FAF1: variants seen among roughly 807,000 people sequenced by gnomAD.
The protein encoded by FAF1 is Fas associated factor 1, also known as FAS-associated factor 1.
FAF1 carries 25 observed loss-of-function variants against 92.5 expected under a neutral mutation model. The observed-to-expected ratio is 0.27, with a 90% confidence interval of 0.20 to 0.38. The LOEUF is 0.38. FAF1 is among the 10% of genes least tolerant of loss of function. FAF1 has a pLI of 1.00. For synonymous variants in FAF1, 234 were observed against 273.2 expected (o/e 0.86, Z 1.42); for missense variants, 636 against 793.3 (o/e 0.80, Z 2.38).
chr1:50,652,375 G>A (rs1353140389), intron 8 of FAF1, among the ~76,000 whole-genome samples: 1 of 152,154 alleles, frequency 6.6e-6, no homozygotes, highest in Non-Finnish European at 1.5e-5. Context: ...CACCTAAAAT[G>A]TATAAGGCAC....
At chr1:50,697,899 AG>A (rs1167685590) in intron 7 of FAF1, among the ~76,000 whole-genome samples, 1 of 152,200 alleles carries the variant, frequency 6.6e-6, no homozygotes, top group Non-Finnish European at 1.5e-5. Context: ...TATCACAAAA[AG>A]TATGTTTGAA....
chr1:50,810,226 G>T (rs1662366720), intron 2 of FAF1, among the ~76,000 whole-genome samples: 1 of 152,100 alleles, frequency 6.6e-6, no homozygotes, highest in Non-Finnish European at 1.5e-5. Context: ...TTGCACTCCA[G>T]CCTGGGCAAC....
At chr1:50,545,915 C>A (rs1648992726) in intron 13 of FAF1, among the ~76,000 whole-genome samples, 1 of 152,250 alleles carries the variant, frequency 6.6e-6, no homozygotes, top group South Asian at 2.1e-4. Context: ...GTAATCCCAG[C>A]ACTTTGGGAG....
At chr1:50,744,809 C>CAAAAT (rs755985315) in intron 4 of FAF1, 34 bp from the exon 5 acceptor site, 1 of 1,241,258 alleles carries the variant, frequency 8.1e-7, no homozygotes, top group East Asian at 2.3e-5. Context: ...ATATTACTAA[C>CAAAAT]AAAATAACAC....
chr1:50,493,712 A>G (rs548531335), intron 15 of FAF1, among the ~76,000 whole-genome samples: 1 of 152,210 alleles, frequency 6.6e-6, no homozygotes, highest in African/African-American at 2.4e-5. Context: ...TTTAATAAGC[A>G]TATGTTAAAT....
chr1:50,673,669 A>G (rs1211613645), intron 7 of FAF1, among the ~76,000 whole-genome samples: 1 of 152,182 alleles, frequency 6.6e-6, no homozygotes, highest in African/African-American at 2.4e-5. Context: ...ATGGGTTGAA[A>G]TCTGAAGAAG....
chr1:50,592,017 A>C (rs1651541558), intron 9 of FAF1, among the ~76,000 whole-genome samples: 1 of 152,162 alleles, frequency 6.6e-6, no homozygotes, highest in African/African-American at 2.4e-5. Context: ...GTTACATGCC[A>C]GGCACTATGC....
intron 1 of FAF1, among the ~76,000 whole-genome samples, chr1:50,951,621 AT>A (rs1164771786): frequency 3.9e-5 from 6 of 152,192 alleles, no homozygotes; most frequent in Non-Finnish European, 1.5e-5. Flanking sequence ...TTAATTCTAC[AT>A]GCAAAAACCT....
intron 8 of FAF1, among the ~76,000 whole-genome samples, chr1:50,643,023 T>C: frequency 6.6e-6 from 1 of 152,152 alleles, no homozygotes; most frequent in Admixed American, 6.5e-5. Context: ...GTAGACAGGG[T>C]TTCACCATGT....
rs1650208084 is a variant in FAF1, at chr1:50,567,062, G to A, written c.1268+15C>T. On this transcript the variant is annotated intron_variant, in intron 13 of 18. Transcript: ENST00000396153. ...AATAGAAGCCCAACTTGTAACTTGT[G>A]AACAACAGTATTACCTTGCTCTGTT... The A allele has an allele frequency of 6.6e-7, 1 of 1,521,898 alleles. No homozygotes were observed. Among genetic ancestry groups the A allele is most frequent in the Admixed American group, 2.1e-5 (1 of 46,676 alleles). 94.3% of individuals were successfully genotyped at this position (1,521,898 alleles called of 1,614,324 possible).
At chr1:50,648,412 A>C (rs1000330602) in intron 8 of FAF1, among the ~76,000 whole-genome samples, 2 of 152,244 alleles carry the variant, frequency 1.3e-5, no homozygotes, top group African/African-American at 4.8e-5. Context: ...ATAAGTATTT[A>C]GCTAAAGCTG....
chr1:50,729,046 ATATATATATATAT>A (rs1658795976), intron 6 of FAF1, among the ~76,000 whole-genome samples: 1 of 75,872 alleles, frequency 1.3e-5, no homozygotes, highest in African/African-American at 6.0e-5. Context: ...ATATATATAT[ATATATATATATAT>A]TTTTTTTTTT....
chr1:50,663,838 AATC>A (rs55836912), intron 7 of FAF1, among the ~76,000 whole-genome samples: 3,538 of 151,720 alleles, frequency 0.023, 75 homozygotes, highest in Middle Eastern at 0.092. Flanking sequence ...TATAATTAAT[AATC>A]ATTTGTTACA....
intron 1 of FAF1, among the ~76,000 whole-genome samples, chr1:50,921,578 A>G (rs1039325362): frequency 3.9e-5 from 6 of 152,190 alleles, no homozygotes; most frequent in African/African-American, 1.2e-4. Context: ...CCTGGGTAAC[A>G]TGGTGAAATC....
intron 7 of FAF1, among the ~76,000 whole-genome samples, chr1:50,681,145 C>G (rs1445899920): frequency 6.6e-6 from 1 of 152,160 alleles, no homozygotes; most frequent in Non-Finnish European, 1.5e-5. Context: ...CTCCCAGGTT[C>G]AAATGATTCT....
chr1:50,784,296 A>G (rs1390540669), intron 4 of FAF1, among the ~76,000 whole-genome samples: 1 of 152,090 alleles, frequency 6.6e-6, no homozygotes, highest in African/African-American at 2.4e-5. Flanking sequence ...GGATTCTACC[A>G]AAGAAAAAAA....
intron 12 of FAF1, among the ~76,000 whole-genome samples, chr1:50,581,270 T>G (rs956160861): frequency 1.3e-5 from 2 of 152,240 alleles, no homozygotes; most frequent in Non-Finnish European, 2.9e-5. Flanking sequence ...CTGTCAATTA[T>G]AGCTCTAATT....
At chr1:50,773,153 G>A (rs1380558948) in intron 4 of FAF1, among the ~76,000 whole-genome samples, 1 of 152,188 alleles carries the variant, frequency 6.6e-6, no homozygotes, top group Non-Finnish European at 1.5e-5. Flanking sequence ...TGAGGTTCTG[G>A]ACAAAGGATT....
At chr1:50,655,854 T>C (rs76852824) in intron 7 of FAF1, among the ~76,000 whole-genome samples, 10,051 of 152,276 alleles carry the variant, frequency 0.066, 411 homozygotes, top group East Asian at 0.092. Flanking sequence ...TATACATTTT[T>C]ATAATTTATT....
Sources: allele counts gnomAD v4.1 joint callset (sites outside exome capture counted in the v4.1 genomes callset), GRCh38; gene constraint gnomAD v4.1.1; transcripts MANE v1.5; gene names NCBI Gene and HGNC (gene_info 2026-07-23, HGNC 2026-07-21).